PPP3CB: variants seen among roughly 807,000 people sequenced by gnomAD.
PPP3CB encodes protein phosphatase 3 catalytic subunit beta, also known as serine/threonine-protein phosphatase 2B catalytic subunit beta isoform.
PPP3CB carries 8 observed loss-of-function variants against 66.4 expected under a neutral mutation model. The ratio of observed to expected loss-of-function variants is 0.12; its 90% confidence interval spans 0.07 to 0.22. The LOEUF is 0.22. Ranked by LOEUF, PPP3CB falls within the 10% of genes least tolerant of loss-of-function variation. PPP3CB has a pLI of 1.00. For synonymous variants in PPP3CB, 208 were observed against 221.2 expected, an observed-to-expected ratio of 0.94 and a Z score of 0.53; for missense variants, 319 against 642.5, an observed-to-expected ratio of 0.50 and a Z score of 5.44.
intron 1 of PPP3CB, among the ~76,000 whole-genome samples, chr10:73,495,032 G>A (rs2057161333): frequency 6.6e-6 from 1 of 152,138 alleles, no homozygotes. Context: ...ATTCTGCCCT[G>A]GCTGAGAAAC....
intron 9 of PPP3CB, among the ~76,000 whole-genome samples, chr10:73,463,638 A>G (rs1044733759): frequency 1.3e-5 from 2 of 152,166 alleles, no homozygotes; most frequent in African/African-American, 4.8e-5. Context: ...TCCCTCTGAC[A>G]GAAATAACCT....
intron 10 of PPP3CB, among the ~76,000 whole-genome samples, chr10:73,452,128 C>A (rs540104941): frequency 1.3e-5 from 2 of 152,168 alleles, no homozygotes; most frequent in African/African-American, 4.8e-5. Flanking sequence ...AATTAAAACT[C>A]TCACTAAATA....
At chr10:73,480,580 G>A (rs2056858941) in intron 1 of PPP3CB, among the ~76,000 whole-genome samples, 1 of 152,034 alleles carries the variant, frequency 6.6e-6, no homozygotes, top group South Asian at 2.1e-4. Flanking sequence ...GAGTAGCTGG[G>A]ATTACAGGCA....
intron 12 of PPP3CB, among the ~76,000 whole-genome samples, chr10:73,443,274 A>AGAGAGAG (rs1564546994): frequency 1.7e-5 from 2 of 118,658 alleles, no homozygotes; most frequent in African/African-American, 3.5e-5. Context: ...GAGAGAAAGA[A>AGAGAGAG]AGAAAGAAAG....
intron 11 of PPP3CB, 104 bp from the exon 12 acceptor site, chr10:73,444,926 T>G: frequency 1.8e-6 from 2 of 1,107,154 alleles, no homozygotes; most frequent in Non-Finnish European, 2.5e-6. Context: ...TTCATGACAT[T>G]CATTGCTATT....
intron 9 of PPP3CB, among the ~76,000 whole-genome samples, chr10:73,456,276 TGAA>T (rs2132841275): frequency 6.6e-6 from 1 of 152,324 alleles, no homozygotes; most frequent in South Asian, 2.1e-4. Context: ...TACTAACTAC[TGAA>T]GGAGACATTA....
At chr10:73,460,844 T>C (rs74771368) in intron 9 of PPP3CB, among the ~76,000 whole-genome samples, 6,841 of 152,294 alleles carry the variant, frequency 0.045, 470 homozygotes, top group African/African-American at 0.15. Context: ...TAAGAGTGAA[T>C]GAAGCTTGGT....
intron 11 of PPP3CB, among the ~76,000 whole-genome samples, chr10:73,445,375 A>G (rs890031565): frequency 6.6e-5 from 10 of 152,348 alleles, no homozygotes; most frequent in African/African-American, 2.4e-4. Flanking sequence ...AAGATGAGCA[A>G]TAACAATCAC....
chr10:73,485,947 TG>T (rs2056967222), intron 1 of PPP3CB, among the ~76,000 whole-genome samples: 10 of 145,322 alleles, frequency 6.9e-5, no homozygotes, highest in Middle Eastern at 3.2e-3. Flanking sequence ...TGTGTGTGTG[TG>T]TGTATTTTTT....
chr10:73,495,002 T>C (rs944439147), intron 1 of PPP3CB, among the ~76,000 whole-genome samples: 24 of 152,314 alleles, frequency 1.6e-4, no homozygotes, highest in African/African-American at 5.1e-4. Flanking sequence ...TGCTGACCTG[T>C]TGTGGGTAAA....
chr10:73,464,705 A>T (rs554333048), intron 9 of PPP3CB, among the ~76,000 whole-genome samples: 111 of 152,198 alleles, frequency 7.3e-4, no homozygotes, highest in African/African-American at 2.6e-3. Context: ...GTTGAGGCAA[A>T]CAGAGCCCTT....
intron 10 of PPP3CB, among the ~76,000 whole-genome samples, chr10:73,448,376 C>T (rs565883763): frequency 1.8e-4 from 28 of 152,108 alleles, no homozygotes; most frequent in Non-Finnish European, 3.2e-4. Context: ...TCAAACAACC[C>T]TAATCATGCA....
chr10:73,477,186 G>A (rs376272092), intron 3 of PPP3CB: 134 of 518,790 alleles, frequency 2.6e-4, no homozygotes, highest in African/African-American at 2.1e-3. Context: ...AGGATTAATC[G>A]ATATGTCTTC....
chr10:73,443,270 A>AAGAAAGAAAGAAAGAC (rs879575212), intron 12 of PPP3CB, among the ~76,000 whole-genome samples: 1 of 128,762 alleles, frequency 7.8e-6, no homozygotes, highest in African/African-American at 3.4e-5. Context: ...GAGAGAGAGA[A>AAGAAAGAAAGAAAGAC]AGAAAGAAAG....
At chr10:73,474,733 C>A (rs2056761474) in intron 4 of PPP3CB, among the ~76,000 whole-genome samples, 186 bp downstream of exon 4, 1 of 152,130 alleles carries the variant, frequency 6.6e-6, no homozygotes, top group African/African-American at 2.4e-5. Context: ...AACCACCATG[C>A]CCCACCAAAA....
intron 10 of PPP3CB, among the ~76,000 whole-genome samples, chr10:73,451,739 TCTC>T (rs1477754054): frequency 5.5e-5 from 8 of 145,852 alleles, no homozygotes; most frequent in Non-Finnish European, 1.1e-4. Flanking sequence ...ACCTCACTCA[TCTC>T]TTTTTTTTTT....
At chr10:73,462,489 C>A (rs2056539174) in intron 9 of PPP3CB, among the ~76,000 whole-genome samples, 1 of 152,082 alleles carries the variant, frequency 6.6e-6, no homozygotes, top group African/African-American at 2.4e-5. Flanking sequence ...CCGTAAAAAT[C>A]TCCAGCAGCA....
chr10:73,456,614 A>G (rs1350642328), intron 9 of PPP3CB, among the ~76,000 whole-genome samples: 2 of 152,250 alleles, frequency 1.3e-5, no homozygotes, highest in African/African-American at 2.4e-5. Context: ...GTCAACTACA[A>G]AAGAATAAAG....
intron 1 of PPP3CB, among the ~76,000 whole-genome samples, chr10:73,486,384 C>A (rs969294480): frequency 1.3e-5 from 2 of 149,070 alleles, no homozygotes; most frequent in Admixed American, 6.7e-5. Context: ...CAGCTCACCG[C>A]AACGTCTGCC....
Sources: gnomAD v4.1 joint callset for allele counts (sites outside exome capture counted in the v4.1 genomes callset) on GRCh38, gnomAD v4.1.1 for gene constraint, MANE v1.5 for transcripts, NCBI Gene and HGNC (gene_info 2026-07-23, HGNC 2026-07-21) for gene names.